Variants in MIA3 observed in about 807,000 individuals in gnomAD.
MIA3 encodes MIA SH3 domain ER export factor 3.
A neutral mutation model predicts 192.4 loss-of-function variants in MIA3; 90 were observed. The observed-to-expected ratio is 0.47, with a 90% CI of 0.39 to 0.56. MIA3 has a LOEUF of 0.56. Ranked by LOEUF, MIA3 falls within the 20% of genes least tolerant of loss-of-function variation. The pLI is 0.00. For synonymous variants in MIA3, 740 were observed against 792.8 expected (o/e 0.93, Z 1.12); for missense variants, 2,123 against 2,269.4 (o/e 0.94, Z 1.31).
rs754367431 is a variant in MIA3, at chr1:222,659,669, T to A, written c.4806+12T>A. Reference sequence around the variant, plus strand: ...CTCATGAAAACTGGGTAAGATTTCTTTTTTTCTTTCCCTTATTTTGTGCAT... The same window carrying A: ...CTCATGAAAACTGGGTAAGATTTCTATTTTTCTTTCCCTTATTTTGTGCAT... On this transcript the variant is annotated intron_variant, in intron 21 of 27. Coordinates refer to ENST00000344922, the MANE Select transcript of MIA3 (RefSeq NM_198551.4). 1 of 1,613,920 alleles carries A rather than the reference T, an allele frequency of 6.2e-7. No individual in the cohort carries two copies. The highest frequency in any genetic ancestry group is 1.1e-5 in the South Asian group (1 of 91,064).
chr1:222,653,962 C>G (rs10495199), intron 15 of MIA3, among the ~76,000 whole-genome samples: 4,259 of 152,298 alleles, frequency 0.028, 80 homozygotes, highest in Non-Finnish European at 0.043. Context: ...GGGAATCTTT[C>G]TGAATAAGAC....
intron 7 of MIA3, chr1:222,648,098 A>AT (rs1663241034): frequency 1.1e-5 from 2 of 186,564 alleles, no homozygotes; most frequent in South Asian, 1.6e-4. Context: ...TACTGCTTAG[A>AT]TTTTCTTGTC....
chr1:222,653,046 T>C lies in MIA3; in HGVS notation c.4125T>C (p.Ala1375=). The C allele has an allele frequency of 6.2e-7, 1 of 1,613,136 alleles. No individual in the cohort carries two copies. Among genetic ancestry groups the C allele is most frequent in the Non-Finnish European group, 8.5e-7 (1 of 1,179,172 alleles). Reference sequence around the variant, plus strand: ...TCGAAGACTGGAGTAAATTACATGCTGAGCTCAGTGAGCAAATCAAATCAT... The same window carrying C: ...TCGAAGACTGGAGTAAATTACATGCCGAGCTCAGTGAGCAAATCAAATCAT... ...QEIEDWSKLH[A]ELSEQIKSFE... Residue 1375 remains alanine, a synonymous_variant, in exon 14 of 28, where the codon GCT becomes GCC. Coordinates refer to ENST00000344922, the MANE Select transcript of MIA3 (RefSeq NM_198551.4).
At position 222,659,683 on chromosome 1, in the gene MIA3, T is replaced by C. The variant is rs1034627340; in HGVS notation, c.4806+26T>C. ...GTAAGATTTCTTTTTTTCTTTCCCTTATTTTGTGCATAGTCTCCCACAACT... is the reference window on the plus strand; with the variant it reads ...GTAAGATTTCTTTTTTTCTTTCCCTCATTTTGTGCATAGTCTCCCACAACT... On this transcript the variant is annotated intron_variant, in intron 21 of 27. Coordinates refer to ENST00000344922, the MANE Select transcript of MIA3 (RefSeq NM_198551.4). 10 of 1,613,834 alleles carry C rather than the reference T, an allele frequency of 6.2e-6. No homozygotes were observed. The Admixed American group carries it at 1.2e-4, about 19-fold the overall frequency.
chr1:222,662,216 C>T (rs1664052978), intron 25 of MIA3, 37 bp from the exon 26 acceptor site: 1 of 1,600,118 alleles, frequency 6.2e-7, no homozygotes, highest in African/African-American at 1.3e-5. Flanking sequence ...GTACACAAGT[C>T]AGAATAAGTC....
At chr1:222,642,185 A>C (rs1250867815) in intron 6 of MIA3, among the ~76,000 whole-genome samples, 1 of 152,150 alleles carries the variant, frequency 6.6e-6, no homozygotes, top group East Asian at 1.9e-4. Context: ...GAGGTTCACT[A>C]TGTTGGTTGT....
At chr1:222,644,237 C>T in intron 6 of MIA3, 1 of 1,307,640 alleles carries the variant, frequency 7.6e-7, no homozygotes, top group Non-Finnish European at 9.9e-7. Context: ...GTTCCGTCCG[C>T]TCTGGCCCCG....
Position 222,628,407 on chromosome 1 carries a change from A to G in MIA3, c.1187A>G (p.Glu396Gly). 6.2e-7 allele frequency: 1 copy of G among 1,613,982 alleles called. No individual in the cohort carries two copies. The highest frequency in any genetic ancestry group is 8.5e-7 in the Non-Finnish European group (1 of 1,179,980). ...TTCTCTATTGTCACAGGAGGTGAAG[A>G]AACAAGAGATACGATGGATTTAGAG... ...TIFSIVTGGE[E>G]TRDTMDLESS... Residue 396 changes from glutamate (E) to glycine (G), a missense_variant, in exon 4 of 28, where the codon GAA becomes GGA. By Grantham distance (98) the Glu-to-Gly change is moderately conservative (BLOSUM62 -2). Around this residue, in one of 3 missense-constraint regions of MIA3, gnomAD observed 1,357 missense variants for 1,396.1 expected, o/e 0.97. Transcript: ENST00000344922.
chr1:222,643,858 C>T (rs192147867), intron 6 of MIA3, among the ~76,000 whole-genome samples: 146 of 152,232 alleles, frequency 9.6e-4, no homozygotes, highest in African/African-American at 3.4e-3. Context: ...CTGGGTAAGA[C>T]TTTTTAATAG....
chr1:222,648,883 A>C, intron 8 of MIA3, 33 bp downstream of exon 8: 1 of 1,359,680 alleles, frequency 7.4e-7, no homozygotes, highest in South Asian at 1.2e-5. Flanking sequence ...TATTTGTACT[A>C]GTCCCTCTGT....
At chr1:222,652,468 A>C in intron 13 of MIA3, 136 bp downstream of exon 13, 1 of 639,680 alleles carries the variant, frequency 1.6e-6, no homozygotes, top group East Asian at 2.8e-5. Flanking sequence ...AGTTTAAACT[A>C]TGCTTCCAAA....
intron 2 of MIA3, among the ~76,000 whole-genome samples, chr1:222,623,055 T>G (rs1661947358): frequency 6.6e-6 from 1 of 152,256 alleles, no homozygotes; most frequent in Non-Finnish European, 1.5e-5. Flanking sequence ...GAAAGGCTCA[T>G]GCCTTATCTG....
At chr1:222,643,241 A>G (rs1236762612) in intron 6 of MIA3, among the ~76,000 whole-genome samples, 1 of 152,192 alleles carries the variant, frequency 6.6e-6, no homozygotes, top group African/African-American at 2.4e-5. Flanking sequence ...ATCCAGTTTT[A>G]TCATTTTCCA....
At position 222,628,650 on chromosome 1, in the gene MIA3, G is replaced by A; in HGVS notation, c.1430G>A (p.Gly477Asp). The part of the protein sequence containing the change: ...KGRGVQESKR[G>D]LVQDKTELED... ...AGGGGAGTTCAGGAATCCAAGAGGGGCCTGGTACAAGATAAGACAGAATTA... is the reference window on the plus strand; with the variant it reads ...AGGGGAGTTCAGGAATCCAAGAGGGACCTGGTACAAGATAAGACAGAATTA... Residue 477 changes from glycine (G) to aspartate (D), a missense_variant, in exon 4 of 28, where the codon GGC becomes GAC. By Grantham distance (94) the Gly-to-Asp change is moderately conservative. This residue lies in a region of MIA3 where 1,357 missense variants were observed against 1,396.1 expected (regional missense o/e 0.97). Transcript: ENST00000344922. The A allele has an allele frequency of 1.9e-6, 3 of 1,613,958 alleles. No individual in the cohort carries two copies. The African/African-American group carries it at 4.0e-5, about 22-fold the overall frequency.
rs756849736 is a variant in MIA3 at position 222,629,788 on chromosome 1, C to A, written c.2568C>A (p.Asp856Glu). 1.2e-6 allele frequency: 2 copies of A among 1,614,152 alleles called. No homozygotes were observed. Among genetic ancestry groups the A allele is most frequent in the Non-Finnish European group, 1.7e-6 (2 of 1,180,032 alleles). ...QNKDSDYLKN[D>E]NPEEHLKTSG... The stretch of plus-strand genomic sequence containing the variant: ...AAGATTCTGATTATCTGAAGAACGA[C>A]AACCCTGAGGAACATCTGAAGACCT... The change falls in exon 4 of 28, where the codon GAC (aspartate) becomes GAA (glutamate). Residue 856 changes from aspartate (D) to glutamate (E), a missense_variant. Around this residue, in one of 3 missense-constraint regions of MIA3, gnomAD observed 1,357 missense variants for 1,396.1 expected, o/e 0.97. Transcript: ENST00000344922.
intron 1 of MIA3, among the ~76,000 whole-genome samples, chr1:222,619,332 C>A (rs1661755855): frequency 6.6e-6 from 1 of 152,196 alleles, no homozygotes; most frequent in South Asian, 2.1e-4. Flanking sequence ...TTTTCATACA[C>A]TGTTAAGCAA....
rs1571895078 is a variant in MIA3 at position 222,650,362 on chromosome 1, G to T, written c.3702G>T (p.Leu1234Phe). Residue 1234 changes from leucine (L) to phenylalanine (F), a missense_variant, in exon 9 of 28, where the codon TTG becomes TTT. Around this residue, in one of 3 missense-constraint regions of MIA3, gnomAD observed 762 missense variants for 856.4 expected, o/e 0.89. Transcript: ENST00000344922. Reference protein sequence around the residue: ...MKENTELVQKLSNYEQKIKES... With the variant: ...MKENTELVQKFSNYEQKIKES... ...AAAATACAGAACTTGTACAAAAATT[G>T]TCAAATTATGAACAGAAGGTATGAT... 2 of 1,571,526 alleles carry T rather than the reference G, an allele frequency of 1.3e-6. No homozygotes were observed. The highest frequency in any genetic ancestry group is 4.5e-5 in the East Asian group (2 of 44,346).
Position 222,665,592 on chromosome 1 carries a change from T to TTCACAGGC in MIA3, c.5699_5706dup (p.Leu1903HisfsTer4). ...CCTCTCAGAGCACTAGCCAGGACTGTTCACAGGCTTTAAAACAGAGCCCAT... is the reference window on the plus strand; with the variant it reads ...CCTCTCAGAGCACTAGCCAGGACTGTTCACAGGCTCACAGGCTTTAAAACAGAGCCCAT... On this transcript the variant is annotated frameshift_variant, in exon 28 of 28. Coordinates refer to ENST00000344922, the MANE Select transcript of MIA3 (RefSeq NM_198551.4). LOFTEE classifies it high-confidence loss of function. 1 of 1,601,742 alleles carries TTCACAGGC rather than the reference T, an allele frequency of 6.2e-7. No homozygotes were observed. Among genetic ancestry groups the TTCACAGGC allele is most frequent in the Non-Finnish European group, 8.5e-7 (1 of 1,175,810 alleles).
At chr1:222,658,596 C>T (rs1381405308) in intron 18 of MIA3, 126 bp from the exon 19 acceptor site, 1 of 656,070 alleles carries the variant, frequency 1.5e-6, no homozygotes, top group East Asian at 2.9e-5. Context: ...TTATTTCCTT[C>T]CTGTGACTTT....
Sources: gnomAD v4.1 joint callset for allele counts (sites outside exome capture counted in the v4.1 genomes callset) on GRCh38, gnomAD v4.1.1 for gene constraint, gnomAD v4.1.1 regional missense constraint, MANE v1.5 for transcripts, NCBI Gene and HGNC (gene_info 2026-07-23, HGNC 2026-07-21) for gene names.